Variants in KATNIP observed in about 807,000 individuals in gnomAD.
The protein encoded by KATNIP is katanin-interacting protein.
KATNIP carries 126 observed loss-of-function variants against 174.0 expected under a neutral mutation model. The observed-to-expected ratio is 0.72, with a 90% CI of 0.63 to 0.84. The LOEUF is 0.84. Among genes scored for constraint, KATNIP ranks in the 40% least tolerant of loss-of-function variants. The probability of loss-of-function intolerance (pLI) is 0.00; values close to 1 mark genes in which losing one functional copy is unlikely to be tolerated. For missense variants in KATNIP, 1,958 were observed against 2,109.7 expected (o/e 0.93, Z 1.41); for synonymous variants, 810 against 835.7 (o/e 0.97, Z 0.53).
At chr16:27,722,631 T>G (rs1352011713) in intron 14 of KATNIP, among the ~76,000 whole-genome samples, 1 of 152,218 alleles carries the variant, frequency 6.6e-6, no homozygotes, top group South Asian at 2.1e-4. Context: ...GAAGCGATCG[T>G]TCAAGTGAGA....
chr16:27,708,347 C>G (rs1218968418), intron 12 of KATNIP: 2 of 213,054 alleles, frequency 9.4e-6, no homozygotes, highest in Non-Finnish European at 1.9e-5. Context: ...CTACTCAATT[C>G]AGCAGATGTC....
chr16:27,582,274 G>C (rs1019598670), intron 2 of KATNIP, among the ~76,000 whole-genome samples: 1 of 152,060 alleles, frequency 6.6e-6, no homozygotes, highest in Admixed American at 6.6e-5. Flanking sequence ...TTTAAAAAAA[G>C]TTTTTTTAAA....
At chr16:27,682,875 A>T (rs1412216560) in intron 8 of KATNIP, among the ~76,000 whole-genome samples, 1 of 151,920 alleles carries the variant, frequency 6.6e-6, no homozygotes, top group African/African-American at 2.4e-5. Flanking sequence ...TGGGAGTGGG[A>T]CTGGTGGTTT....
chr16:27,621,318 C>A (rs1002579583), intron 3 of KATNIP, among the ~76,000 whole-genome samples: 1 of 152,064 alleles, frequency 6.6e-6, no homozygotes, highest in Admixed American at 6.6e-5. Flanking sequence ...ATACTCTTGG[C>A]CTCAGGCATA....
intron 5 of KATNIP, among the ~76,000 whole-genome samples, chr16:27,638,972 C>T (rs2076718282): frequency 1.3e-5 from 2 of 151,478 alleles, no homozygotes; most frequent in African/African-American, 4.8e-5. Flanking sequence ...CTGCGCCCAG[C>T]CCTGAAACTC....
chr16:27,691,607 T>C (rs1367294721), intron 8 of KATNIP, among the ~76,000 whole-genome samples: 2 of 152,330 alleles, frequency 1.3e-5, no homozygotes, highest in African/African-American at 4.8e-5. Context: ...AACGTGATTT[T>C]GGAGAACTGG....
intron 5 of KATNIP, among the ~76,000 whole-genome samples, chr16:27,641,077 G>T (rs951428747): frequency 6.6e-6 from 1 of 151,866 alleles, no homozygotes; most frequent in African/African-American, 2.4e-5. Context: ...GGCAGAGGTT[G>T]CAGTGAGCTG....
chr16:27,659,698 G>A (rs1313957782), intron 6 of KATNIP, among the ~76,000 whole-genome samples: 1 of 152,152 alleles, frequency 6.6e-6, no homozygotes, highest in African/African-American at 2.4e-5. Context: ...GAGGCATGTA[G>A]GAGAGGCTTT....
At chr16:27,719,669 C>T (rs1161303642) in intron 13 of KATNIP, among the ~76,000 whole-genome samples, 5 of 151,132 alleles carry the variant, frequency 3.3e-5, no homozygotes, top group African/African-American at 1.2e-4. Context: ...GTATGAGCCA[C>T]TGCACCCAGC....
chr16:27,578,670 C>T (rs1377355324), intron 2 of KATNIP, among the ~76,000 whole-genome samples: 1 of 152,136 alleles, frequency 6.6e-6, no homozygotes, highest in East Asian at 1.9e-4. Context: ...CTCCACCTCC[C>T]GGGTTTAAGT....
chr16:27,624,579 G>A (rs185295460), intron 3 of KATNIP, among the ~76,000 whole-genome samples: 5 of 152,268 alleles, frequency 3.3e-5, no homozygotes, highest in Admixed American at 2.6e-4. Context: ...ACTTTGGGAA[G>A]CCAAGGTGGG....
intron 14 of KATNIP, among the ~76,000 whole-genome samples, chr16:27,726,651 T>C (rs2080463403): frequency 6.6e-6 from 1 of 152,152 alleles, no homozygotes; most frequent in Non-Finnish European, 1.5e-5. Flanking sequence ...CACTAAGTGT[T>C]CCGAAGACAA....
At chr16:27,690,363 T>TAGATAGATAGATGATAGATAGATA (rs397837255) in intron 8 of KATNIP, among the ~76,000 whole-genome samples, 15 of 91,036 alleles carry the variant, frequency 1.6e-4, no homozygotes, top group South Asian at 3.6e-4. Context: ...GATAGATAGA[T>TAGATAGATAGATGATAGATAGATA]GATAGATAGA....
intron 10 of KATNIP, among the ~76,000 whole-genome samples, chr16:27,699,977 C>T (rs2079042963): frequency 6.6e-6 from 1 of 151,958 alleles, no homozygotes; most frequent in African/African-American, 2.4e-5. Context: ...ATGGTGCAAT[C>T]TCGGCTCACT....
At chr16:27,765,289 C>G (rs187424017) in intron 19 of KATNIP, among the ~76,000 whole-genome samples, 1 of 152,178 alleles carries the variant, frequency 6.6e-6, no homozygotes, top group African/African-American at 2.4e-5. Flanking sequence ...TCCGGGGAAG[C>G]GAGAGGCACG....
intron 1 of KATNIP, among the ~76,000 whole-genome samples, chr16:27,567,614 C>T (rs1400039265): frequency 6.6e-6 from 1 of 152,184 alleles, no homozygotes; most frequent in Non-Finnish European, 1.5e-5. Context: ...ACCTCTGGCT[C>T]CTGGGTTAAA....
intron 14 of KATNIP, among the ~76,000 whole-genome samples, chr16:27,738,660 C>T (rs1377695227): frequency 1.3e-5 from 2 of 152,182 alleles, no homozygotes; most frequent in South Asian, 4.1e-4. Flanking sequence ...ATCCCATCAT[C>T]GGCATGGTTC....
At chr16:27,761,652 T>G in intron 19 of KATNIP, 62 bp downstream of exon 19, 2 of 1,401,648 alleles carry the variant, frequency 1.4e-6, no homozygotes, top group South Asian at 2.3e-5. Flanking sequence ...TTGTTCTGCC[T>G]CTGAGACTTC....
intron 14 of KATNIP, among the ~76,000 whole-genome samples, chr16:27,737,928 C>T (rs1236943738): frequency 6.6e-6 from 1 of 151,994 alleles, no homozygotes; most frequent in Non-Finnish European, 1.5e-5. Flanking sequence ...GTTACAGGTG[C>T]CCGGGCCAGG....
Sources: allele counts gnomAD v4.1 joint callset (sites outside exome capture counted in the v4.1 genomes callset), GRCh38; gene constraint gnomAD v4.1.1; transcripts MANE v1.5; gene names NCBI Gene and HGNC (gene_info 2026-07-23, HGNC 2026-07-21).